The following CSMD1 variants were observed in gnomAD, a reference collection of about 807,000 sequenced individuals.
The protein encoded by CSMD1 is CUB and sushi domain-containing protein 1.
A neutral mutation model predicts 417.5 loss-of-function variants in CSMD1; 213 were observed. The ratio of observed to expected loss-of-function variants is 0.51; its 90% CI spans 0.46 to 0.57. The LOEUF is 0.57. CSMD1 is among the 20% of genes least tolerant of loss of function. The probability of loss-of-function intolerance (pLI) is 0.00; values close to 1 mark genes in which losing one functional copy is unlikely to be tolerated. For synonymous variants in CSMD1, 2,862 were observed against 1,736.8 expected, an observed-to-expected ratio of 1.65 and a Z score of -16.11; for missense variants, 6,923 against 4,529.7, an observed-to-expected ratio of 1.53 and a Z score of -15.17.
chr8:4,020,220 T>A (rs1270683203), intron 4 of CSMD1, among the ~76,000 whole-genome samples: 1 of 152,186 alleles, frequency 6.6e-6, no homozygotes, highest in East Asian at 1.9e-4. Flanking sequence ...GCCAGACAGA[T>A]TAAATAAATT....
chr8:4,835,763 C>A (rs1209494098), intron 1 of CSMD1, among the ~76,000 whole-genome samples: 1 of 151,452 alleles, frequency 6.6e-6, no homozygotes, highest in Non-Finnish European at 1.5e-5. Context: ...ATGCTAGGTA[C>A]TGCAGCTGCA....
chr8:3,697,488 T>A (rs1307344594), intron 7 of CSMD1, among the ~76,000 whole-genome samples: 1 of 152,234 alleles, frequency 6.6e-6, no homozygotes, highest in African/African-American at 2.4e-5. Flanking sequence ...TAAAATGGAA[T>A]TCTTTAATTG....
intron 3 of CSMD1, among the ~76,000 whole-genome samples, chr8:4,410,279 C>G (rs976174890): frequency 5.3e-5 from 8 of 152,128 alleles, no homozygotes; most frequent in Non-Finnish European, 1.2e-4. Flanking sequence ...TTTCATTTCA[C>G]AAGGGAAAAC....
chr8:4,075,688 A>T (rs985986727), intron 3 of CSMD1, among the ~76,000 whole-genome samples: 9 of 152,202 alleles, frequency 5.9e-5, no homozygotes, highest in Admixed American at 5.9e-4. Context: ...CACTGGATTC[A>T]TTTTATAGAT....
intron 3 of CSMD1, among the ~76,000 whole-genome samples, chr8:4,101,474 C>T (rs746323535): frequency 6.6e-6 from 1 of 152,160 alleles, no homozygotes; most frequent in African/African-American, 2.4e-5. Flanking sequence ...CAAAAGGTCT[C>T]CATGGTGCAG....
At chr8:3,769,793 G>A (rs1165224525) in intron 5 of CSMD1, among the ~76,000 whole-genome samples, 6 of 152,192 alleles carry the variant, frequency 3.9e-5, no homozygotes, top group African/African-American at 1.2e-4. Flanking sequence ...AAGTTTTATA[G>A]CACATCACCT....
chr8:4,495,286 G>A lies in CSMD1; in HGVS notation c.303-75221C>T, dbSNP rs180959948. ...CATAAAAATGTGACTAATACAAAAT[G>A]ATTTCTCAGCTGGGCACGGTGGCTC... On this transcript the variant is annotated intron_variant, in intron 2 of 69. Coordinates refer to ENST00000635120, the MANE Select transcript of CSMD1 (RefSeq NM_033225.6). 3.2e-3 allele frequency among the ~76,000 whole-genome samples: 492 copies of A among 152,234 alleles called. 5 individuals are homozygous for A. Among genetic ancestry groups the A allele is most frequent in the Non-Finnish European group, 5.3e-3 (359 of 68,000 alleles).
At chr8:4,135,951 G>A (rs1803405896) in intron 3 of CSMD1, among the ~76,000 whole-genome samples, 2 of 151,872 alleles carry the variant, frequency 1.3e-5, no homozygotes, top group African/African-American at 4.8e-5. Flanking sequence ...CTAAACTATT[G>A]GTGTTAAGTC....
intron 1 of CSMD1, among the ~76,000 whole-genome samples, chr8:4,717,264 G>T (rs1195115971): frequency 2.0e-5 from 3 of 149,004 alleles, no homozygotes; most frequent in African/African-American, 7.6e-5. Context: ...TGAAAATAGG[G>T]CCTCAAAGAA....
At chr8:3,659,906 C>G (rs1421670904) in intron 7 of CSMD1, among the ~76,000 whole-genome samples, 1 of 152,108 alleles carries the variant, frequency 6.6e-6, no homozygotes, top group African/African-American at 2.4e-5. Flanking sequence ...GATGAAATTT[C>G]CAAGAAAGAG....
chr8:3,752,374 G>T (rs1049564371), intron 6 of CSMD1, among the ~76,000 whole-genome samples: 1 of 152,064 alleles, frequency 6.6e-6, no homozygotes, highest in Non-Finnish European at 1.5e-5. Flanking sequence ...ATATTTTGGC[G>T]CTGGGTACGG....
chr8:3,970,065 T>G (rs1169958164), intron 5 of CSMD1, among the ~76,000 whole-genome samples: 1 of 152,204 alleles, frequency 6.6e-6, no homozygotes, highest in Non-Finnish European at 1.5e-5. Flanking sequence ...TACTAAGTAG[T>G]CTATGTTAGG....
At chr8:3,405,744 G>A (rs1351361020) in intron 15 of CSMD1, among the ~76,000 whole-genome samples, 2 of 152,146 alleles carry the variant, frequency 1.3e-5, no homozygotes, top group Admixed American at 6.5e-5. Context: ...CTCCAGCCAT[G>A]GAATGCCAGA....
intron 1 of CSMD1, among the ~76,000 whole-genome samples, chr8:4,641,051 T>A (rs998315817): frequency 4.0e-5 from 6 of 150,852 alleles, no homozygotes; most frequent in African/African-American, 1.2e-4. Context: ...TTCAATTTCA[T>A]ATATATATAT....
chr8:2,975,505 T>A (rs1489361628), intron 55 of CSMD1, among the ~76,000 whole-genome samples: 1 of 152,112 alleles, frequency 6.6e-6, no homozygotes, highest in Non-Finnish European at 1.5e-5. Flanking sequence ...GAGAGGTAGA[T>A]TTGAACGCCT....
intron 3 of CSMD1, among the ~76,000 whole-genome samples, chr8:4,335,653 G>T (rs1800120829): frequency 6.6e-6 from 1 of 152,194 alleles, no homozygotes; most frequent in South Asian, 2.1e-4. Context: ...AAAATGAAAA[G>T]TTGCTGGGAG....
intron 1 of CSMD1, among the ~76,000 whole-genome samples, chr8:4,642,221 AG>A (rs974601022): frequency 2.8e-4 from 43 of 152,326 alleles, no homozygotes; most frequent in African/African-American, 9.9e-4. Flanking sequence ...GTTATACAGC[AG>A]TGCCCCTCTT....
At chr8:3,815,626 CTTTT>C (rs5888995) in intron 5 of CSMD1, among the ~76,000 whole-genome samples, 2 of 146,382 alleles carry the variant, frequency 1.4e-5, no homozygotes, top group African/African-American at 2.5e-5. Flanking sequence ...GCTAGACTTT[CTTTT>C]TTTTTTTTTT....
intron 6 of CSMD1, among the ~76,000 whole-genome samples, chr8:3,733,599 G>T (rs912930826): frequency 6.6e-6 from 1 of 151,896 alleles, no homozygotes; most frequent in Non-Finnish European, 1.5e-5. Context: ...ACCCTGCACC[G>T]CCCTGCTGCA....
Sources: gnomAD v4.1 joint callset for allele counts (sites outside exome capture counted in the v4.1 genomes callset) on GRCh38, gnomAD v4.1.1 for gene constraint, MANE v1.5 for transcripts, NCBI Gene and HGNC (gene_info 2026-07-23, HGNC 2026-07-21) for gene names.